KIRREL3: variants seen among roughly 807,000 people sequenced by gnomAD.
KIRREL3 encodes the protein kin of IRRE-like protein 3.
KIRREL3 carries 36 observed loss-of-function variants against 89.7 expected under a neutral mutation model. The observed-to-expected ratio is 0.40, with a 90% CI of 0.31 to 0.53. KIRREL3 has a LOEUF of 0.53. KIRREL3 is among the 20% of genes least tolerant of loss of function. The pLI is 0.49. For missense variants in KIRREL3, 864 were observed against 1,056.6 expected, an observed-to-expected ratio of 0.82 and a Z score of 2.53; for synonymous variants, 445 against 441.4, an observed-to-expected ratio of 1.01 and a Z score of -0.10.
At chr11:126,613,272 A>G (rs2134804182) in intron 1 of KIRREL3, among the ~76,000 whole-genome samples, 1 of 152,140 alleles carries the variant, frequency 6.6e-6, no homozygotes, top group South Asian at 2.1e-4. Context: ...GTTCGTGATT[A>G]CAGGCTCGCA....
chr11:126,543,554 T>C (rs1455878957), intron 2 of KIRREL3, among the ~76,000 whole-genome samples: 2 of 151,652 alleles, frequency 1.3e-5, no homozygotes, highest in African/African-American at 4.8e-5. Context: ...CAGCAGAGGG[T>C]GTTTGATCTG....
At chr11:126,468,289 G>T (rs560812715) in intron 5 of KIRREL3, among the ~76,000 whole-genome samples, 1 of 152,364 alleles carries the variant, frequency 6.6e-6, no homozygotes, top group South Asian at 2.1e-4. Flanking sequence ...GGAACCCACT[G>T]TCCCCAGACA....
At chr11:126,473,266 CTTGAAGCCCGTCCACACCCA>C (rs1591598544) in intron 5 of KIRREL3, 23 bp downstream of exon 5, 1 of 962,362 alleles carries the variant, frequency 1.0e-6, no homozygotes, top group Admixed American at 3.0e-5. Context: ...ACCCACTCCC[CTTGAAGCCCGTCCACACCCA>C]CCCCCTCCCC....
intron 1 of KIRREL3, among the ~76,000 whole-genome samples, chr11:126,915,943 G>A (rs1947021205): frequency 6.6e-6 from 1 of 152,042 alleles, no homozygotes; most frequent in East Asian, 1.9e-4. Context: ...ATGACAGCAG[G>A]GCCTCATCTG....
At chr11:126,801,962 A>G (rs1951049787) in intron 1 of KIRREL3, among the ~76,000 whole-genome samples, 1 of 152,128 alleles carries the variant, frequency 6.6e-6, no homozygotes, top group Non-Finnish European at 1.5e-5. Flanking sequence ...AGTATCCTAA[A>G]ATCTAAGAAA....
At chr11:126,787,800 A>G (rs143342401) in intron 1 of KIRREL3, among the ~76,000 whole-genome samples, 189 of 152,326 alleles carry the variant, frequency 1.2e-3, no homozygotes, top group African/African-American at 4.4e-3. Context: ...TTAGAAGGGA[A>G]CACTCCTGAT....
intron 1 of KIRREL3, among the ~76,000 whole-genome samples, chr11:126,973,990 A>G (rs1336112673): frequency 2.0e-5 from 3 of 152,082 alleles, no homozygotes; most frequent in East Asian, 1.9e-4. Context: ...ACTAGGGCTC[A>G]TGTTTTCTTT....
intron 8 of KIRREL3, among the ~76,000 whole-genome samples, chr11:126,447,131 G>A (rs1955850419): frequency 6.6e-6 from 1 of 152,134 alleles, no homozygotes; most frequent in Non-Finnish European, 1.5e-5. Context: ...GGCCCATGGA[G>A]GTGGTCGGCA....
chr11:126,525,483 C>A lies in KIRREL3; in HGVS notation c.283+1055G>T, dbSNP rs185439593. Among the ~76,000 whole-genome samples the A allele has an allele frequency of 3.3e-4, 51 of 152,326 alleles. No individual in the cohort carries two copies. The highest frequency in any genetic ancestry group is 1.2e-3 in the African/African-American group (50 of 41,562). ...TTCAAACCTCGTGCCTGCTATTGAC[C>A]ATTGCTATAATGTTTCAATATACAT... is the stretch of plus-strand genomic sequence containing the variant. On this transcript the variant is annotated intron_variant, in intron 3 of 16. Coordinates refer to ENST00000525144, the MANE Select transcript of KIRREL3 (RefSeq NM_032531.4). The surrounding 1 kb of genome is among the most constrained non-coding windows in gnomAD (Gnocchi z 5.4).
intron 1 of KIRREL3, among the ~76,000 whole-genome samples, chr11:126,644,613 A>G (rs73629138): frequency 0.073 from 11,157 of 152,268 alleles, 548 homozygotes; most frequent in African/African-American, 0.13. Context: ...TCCTAGAGGA[A>G]GATGGAGTCA....
chr11:126,848,171 C>CCCA (rs1944212068), intron 1 of KIRREL3, among the ~76,000 whole-genome samples: 1 of 152,190 alleles, frequency 6.6e-6, no homozygotes, highest in South Asian at 2.1e-4. Context: ...AGGGTACAAA[C>CCCA]CCACCGCAGG....
At chr11:126,937,774 C>A (rs909745444) in intron 1 of KIRREL3, among the ~76,000 whole-genome samples, 1 of 152,206 alleles carries the variant, frequency 6.6e-6, no homozygotes, top group Non-Finnish European at 1.5e-5. Context: ...TGGCAGGTGC[C>A]TGTAGTCCCA....
chr11:126,567,503 A>G (rs1940600335), intron 1 of KIRREL3, among the ~76,000 whole-genome samples: 1 of 152,234 alleles, frequency 6.6e-6, no homozygotes, highest in Non-Finnish European at 1.5e-5. Flanking sequence ...GCAAATGAAT[A>G]TAGACAGGAC....
At chr11:126,745,796 T>A (rs1007615616) in intron 1 of KIRREL3, among the ~76,000 whole-genome samples, 3 of 152,208 alleles carry the variant, frequency 2.0e-5, no homozygotes. Context: ...ACAATTCACC[T>A]CCAAGATGTA....
At position 126,812,425 on chromosome 11, in the gene KIRREL3, C is replaced by T. The variant is rs1474654304; in HGVS notation, c.55+188030G>A. On this transcript the variant is annotated intron_variant, in intron 1 of 16. Coordinates refer to ENST00000525144, the MANE Select transcript of KIRREL3 (RefSeq NM_032531.4). The surrounding 1 kb of genome is among the most constrained non-coding windows in gnomAD (Gnocchi z 5.2). ...TGACAGCACTTCTTGAACTCTGACA[C>T]CACTCCACAATTAATATTGTCCACT... 6.6e-6 allele frequency among the ~76,000 whole-genome samples: 1 copy of T among 152,158 alleles called. No homozygotes were observed. Among genetic ancestry groups the T allele is most frequent in the African/African-American group, 2.4e-5 (1 of 41,436 alleles).
intron 1 of KIRREL3, among the ~76,000 whole-genome samples, chr11:126,777,175 A>T (rs1398776034): frequency 6.6e-6 from 1 of 152,122 alleles, no homozygotes; most frequent in Non-Finnish European, 1.5e-5. Flanking sequence ...TTTTTTGATT[A>T]TCATGACCGA....
At position 126,530,083 on chromosome 11, in the gene KIRREL3, A is replaced by C. The variant is rs1958896664; in HGVS notation, c.134-3396T>G. 6.6e-6 allele frequency among the ~76,000 whole-genome samples: 1 copy of C among 151,188 alleles called. No homozygotes were observed. Among genetic ancestry groups the C allele is most frequent in the Non-Finnish European group, 1.5e-5 (1 of 67,808 alleles). ...ATTGCCAGAAGAATGCTCCTCACCC[A>C]CCCACTCTTTCTTTTCTTTTGAGAC... On this transcript the variant is annotated intron_variant, in intron 2 of 16. Transcript: ENST00000525144. This position sits in a 1 kb window ranked among gnomAD's most constrained non-coding sequence, Gnocchi z 5.8.
rs553714928 is a variant in KIRREL3 at position 126,524,095 on chromosome 11, C to T, written c.283+2443G>A. ...GAGTCTGGGTTCTATAGTCGAATTG[C>T]CTGGGTTCCAATGCCAGCTGGATCA... On this transcript the variant is annotated intron_variant, in intron 3 of 16. Transcript: ENST00000525144. Among the ~76,000 whole-genome samples, 4 of 152,308 alleles carry T rather than the reference C, an allele frequency of 2.6e-5. No homozygotes were observed. The South Asian group carries it at 8.3e-4, about 32-fold the overall frequency.
rs1446895847 is a variant in KIRREL3 at position 126,954,141 on chromosome 11, G to A, written c.55+46314C>T. Among the ~76,000 whole-genome samples, 1 of 151,966 alleles carries A rather than the reference G, an allele frequency of 6.6e-6. No homozygotes were observed. Among genetic ancestry groups the A allele is most frequent in the Non-Finnish European group, 1.5e-5 (1 of 68,010 alleles). ...TTTCTTGAGATTTCCAAATGAGTGA[G>A]GTGGGGGGTGGTATTGAGGTATTGA... is the stretch of plus-strand genomic sequence containing the variant. On this transcript the variant is annotated intron_variant, in intron 1 of 16. Coordinates refer to ENST00000525144, the MANE Select transcript of KIRREL3 (RefSeq NM_032531.4). This position sits in a 1 kb window ranked among gnomAD's most constrained non-coding sequence, Gnocchi z 4.1.
Sources: gnomAD v4.1 joint callset for allele counts (sites outside exome capture counted in the v4.1 genomes callset) on GRCh38, gnomAD v4.1.1 for gene constraint, Gnocchi (gnomAD v3.1) non-coding constraint, MANE v1.5 for transcripts, NCBI Gene and HGNC (gene_info 2026-07-23, HGNC 2026-07-21) for gene names.